SERPINB2: variants seen among roughly 807,000 people sequenced by gnomAD.
SERPINB2 encodes plasminogen activator inhibitor 2.
In SERPINB2, 28 loss-of-function variants were observed where a neutral mutation model predicts 39.4. That is an observed-to-expected ratio of 0.71 (90% confidence interval 0.53 to 0.97). The LOEUF is 0.97. SERPINB2 is among the 50% of genes least tolerant of loss of function. The pLI is 0.00. For synonymous variants in SERPINB2, 209 were observed against 175.1 expected (o/e 1.19, Z -1.53); for missense variants, 557 against 505.3 (o/e 1.10, Z -0.98).
Position 63,903,118 on chromosome 18 carries a change from T to C in SERPINB2, c.1061T>C (p.Val354Ala), listed in dbSNP as rs1441811067. The C allele has an allele frequency of 1.2e-6, 2 of 1,613,726 alleles. No individual in the cohort carries two copies. Among genetic ancestry groups the C allele is most frequent in the South Asian group, 2.2e-5 (2 of 91,046 alleles). The change falls in exon 8 of 8, where the codon GTG (valine) becomes GCG (alanine). Residue 354 changes from valine (V) to alanine (A), a missense_variant. Coordinates refer to ENST00000299502, the MANE Select transcript of SERPINB2 (RefSeq NM_002575.3). Reference sequence around the variant, plus strand: ...AGGAATGACCTGTTTCTTTCTGAAGTGTTCCACCAAGCCATGGTGGATGTG... The same window carrying C: ...AGGAATGACCTGTTTCTTTCTGAAGCGTTCCACCAAGCCATGGTGGATGTG... ...SERNDLFLSE[V>A]FHQAMVDVNE...
At chr18:63,893,956 G>T (rs2049942986) in intron 2 of SERPINB2, among the ~76,000 whole-genome samples, 2 of 152,160 alleles carry the variant, frequency 1.3e-5, no homozygotes, top group African/African-American at 4.8e-5. Flanking sequence ...TGTAGTGAAA[G>T]AAAAGAATAC....
rs989335611 is a variant in SERPINB2 at position 63,903,221 on chromosome 18, T to C, written c.1164T>C (p.Phe388=). The C allele has an allele frequency of 2.5e-6, 4 of 1,606,344 alleles. No homozygotes were observed. The African/African-American group carries it at 5.4e-5, about 22-fold the overall frequency. The change falls in exon 8 of 8, where the codon TTT becomes TTC. Residue 388 remains phenylalanine (F), a synonymous_variant. Transcript: ENST00000299502. ...GAACTGGACATGGAGGCCCACAGTT[T>C]GTGGCAGATCATCCTTTTCTTTTTC... ...TGRTGHGGPQ[F]VADHPFLFLI...
At chr18:63,893,182 C>A in intron 2 of SERPINB2, among the ~76,000 whole-genome samples, 1 of 152,200 alleles carries the variant, frequency 6.6e-6, no homozygotes, top group East Asian at 1.9e-4. Context: ...CCTGCCTCGG[C>A]CTCCCAAAGT....
At position 63,896,984 on chromosome 18, in the gene SERPINB2, T is replaced by C. The variant is rs1013003328; in HGVS notation, c.289-107T>C. The C allele has an allele frequency of 2.1e-5, 21 of 1,006,790 alleles. No individual in the cohort carries two copies. In the African/African-American group the frequency reaches 3.1e-4, roughly 15 times the overall value. 62.4% of individuals were successfully genotyped at this position (1,006,790 alleles called of 1,614,324 possible). A position where few individuals can be genotyped will look rare whatever the true frequency, so the allele number is the denominator to read the frequency against. ...AATGTACCAAAAATAAAGTATGTAT[T>C]AATATAGCATTTCATGATTGTATTC... is the stretch of plus-strand genomic sequence containing the variant. On this transcript the variant is annotated intron_variant, in intron 3 of 7. Transcript: ENST00000299502.
At chr18:63,895,472 C>A (rs945693026) in intron 3 of SERPINB2, 89 bp downstream of exon 3, 3 of 1,465,666 alleles carry the variant, frequency 2.0e-6, no homozygotes, top group South Asian at 1.2e-5. Flanking sequence ...GGGAAGGAAG[C>A]GAATATACCC....
chr18:63,903,078 T>C lies in SERPINB2; in HGVS notation c.1021T>C (p.Ser341Pro). ...DAFNKGRANFSGMSERNDLFL... is the reference protein window; with the variant it reads ...DAFNKGRANFPGMSERNDLFL... ...CTTCAACAAGGGACGGGCCAATTTC[T>C]CAGGGATGTCGGAGAGGAATGACCT... The change falls in exon 8 of 8, where the codon TCA becomes CCA. Residue 341 changes from serine (S) to proline (P), a missense_variant. Ser to Pro is a moderately conservative substitution (Grantham distance 74). Coordinates refer to ENST00000299502, the MANE Select transcript of SERPINB2 (RefSeq NM_002575.3). 1 of 1,613,724 alleles carries C rather than the reference T, an allele frequency of 6.2e-7. No individual in the cohort carries two copies. Among genetic ancestry groups the C allele is most frequent in the Non-Finnish European group, 8.5e-7 (1 of 1,179,792 alleles).
rs756909564 is a variant in SERPINB2, at chr18:63,901,701, T to C, written c.536-39T>C. The C allele has an allele frequency of 5.6e-6, 8 of 1,438,540 alleles. No individual in the cohort carries two copies. In the South Asian group the frequency reaches 1.2e-4, roughly 22 times the overall value. The allele number at this position is 1,438,540 out of a possible 1,614,324, so 89.1% of individuals were successfully genotyped here. A position where few individuals can be genotyped will look rare whatever the true frequency, so the allele number is the denominator to read the frequency against. ...GATTCAGTAAGTAATTTCACAGTTC[T>C]TGATTATGAAACCTAAATATATGTT... is the stretch of plus-strand genomic sequence containing the variant. On this transcript the variant is annotated intron_variant, in intron 5 of 7. Transcript: ENST00000299502.
At position 63,901,747 on chromosome 18, in the gene SERPINB2, C is replaced by A; in HGVS notation, c.543C>A (p.Ile181=). Residue 181 remains isoleucine, a synonymous_variant, in exon 6 of 8, where the codon ATC becomes ATA. Coordinates refer to ENST00000299502, the MANE Select transcript of SERPINB2 (RefSeq NM_002575.3). ...ATGTTATGTTTTCTGTAGGCAAAAT[C>A]CCAAACTTGTTACCTGAAGGTTCTG... ...SWVKTQTKGK[I]PNLLPEGSVD... 1 of 1,545,716 alleles carries A rather than the reference C, an allele frequency of 6.5e-7. No homozygotes were observed. The highest frequency in any genetic ancestry group is 8.6e-7 in the Non-Finnish European group (1 of 1,157,430).
intron 2 of SERPINB2, among the ~76,000 whole-genome samples, chr18:63,892,313 C>T (rs1326974858): frequency 6.6e-6 from 1 of 152,172 alleles, no homozygotes; most frequent in Non-Finnish European, 1.5e-5. Flanking sequence ...TGCCTGCCTT[C>T]CTTGGTGAAT....
rs746745519 is a variant in SERPINB2 at position 63,897,783 on chromosome 18, C to T, written c.474C>T (p.Phe158=). The change falls in exon 5 of 8, where the codon TTC becomes TTT. Residue 158 remains phenylalanine, a synonymous_variant. Coordinates refer to ENST00000299502, the MANE Select transcript of SERPINB2 (RefSeq NM_002575.3). The part of the protein sequence containing the change: ...YYSSEPQAVD[F]LECAEEARKK... Reference sequence around the variant, plus strand: ...CCTCAGAACCCCAGGCAGTAGACTTCCTAGAATGTGCAGAAGAAGCTAGAA... The same window carrying T: ...CCTCAGAACCCCAGGCAGTAGACTTTCTAGAATGTGCAGAAGAAGCTAGAA... 1.2e-6 allele frequency: 2 copies of T among 1,613,614 alleles called. No individual in the cohort carries two copies. Among genetic ancestry groups the T allele is most frequent in the Non-Finnish European group, 1.7e-6 (2 of 1,179,668 alleles).
At chr18:63,892,911 T>A (rs1419979922) in intron 2 of SERPINB2, among the ~76,000 whole-genome samples, 2 of 152,138 alleles carry the variant, frequency 1.3e-5, no homozygotes, top group African/African-American at 4.8e-5. Context: ...TTTAGAAACA[T>A]CAGGTCTTAG....
intron 2 of SERPINB2, chr18:63,892,890 G>A (rs1188619792): frequency 2.0e-5 from 3 of 152,032 alleles, no homozygotes; most frequent in African/African-American, 7.2e-5. Context: ...ATAGTAAATT[G>A]GCACAAAAGC....
At chr18:63,896,444 T>C (rs2049959931) in intron 3 of SERPINB2, among the ~76,000 whole-genome samples, 1 of 152,174 alleles carries the variant, frequency 6.6e-6, no homozygotes, top group African/African-American at 2.4e-5. Context: ...CTTTGTAAGA[T>C]CATTACTAAG....
intron 2 of SERPINB2, among the ~76,000 whole-genome samples, chr18:63,893,225 G>C (rs1229507983): frequency 6.6e-6 from 1 of 152,222 alleles, no homozygotes; most frequent in African/African-American, 2.4e-5. Context: ...AGTGCACCCG[G>C]CCTAGGTTTT....
rs373043621 is a variant in SERPINB2 at position 63,897,668 on chromosome 18, A to G, written c.418-59A>G. Reference sequence around the variant, plus strand: ...AATGGGAAGACCATAATTCACCATTATGCCATGGCTTGTTTGGTATGTATT... The same window carrying G: ...AATGGGAAGACCATAATTCACCATTGTGCCATGGCTTGTTTGGTATGTATT... On this transcript the variant is annotated intron_variant, in intron 4 of 7. Coordinates refer to ENST00000299502, the MANE Select transcript of SERPINB2 (RefSeq NM_002575.3). The G allele has an allele frequency of 4.9e-5, 57 of 1,156,066 alleles. No individual in the cohort carries two copies. The African/African-American group carries it at 6.2e-4, about 13-fold the overall frequency. 71.6% of individuals were successfully genotyped at this position (1,156,066 alleles called of 1,614,324 possible). A position where few individuals can be genotyped will look rare whatever the true frequency, so the allele number is the denominator to read the frequency against.
intron 3 of SERPINB2, among the ~76,000 whole-genome samples, chr18:63,896,511 C>T (rs903360225): frequency 2.6e-5 from 4 of 152,182 alleles, no homozygotes; most frequent in Non-Finnish European, 5.9e-5. Context: ...AAAAATTGTA[C>T]ATGTTCAAGA....
At chr18:63,890,338 C>T (rs559039521) in intron 1 of SERPINB2, among the ~76,000 whole-genome samples, 1 of 152,306 alleles carries the variant, frequency 6.6e-6, no homozygotes, top group African/African-American at 2.4e-5. Flanking sequence ...GACATGCTTC[C>T]TCCTGGGTAC....
At chr18:63,898,462 A>G (rs2049973877) in intron 5 of SERPINB2, among the ~76,000 whole-genome samples, 1 of 152,370 alleles carries the variant, frequency 6.6e-6, no homozygotes, top group South Asian at 2.1e-4. Flanking sequence ...ATTGTAATTT[A>G]GTTTATTAAG....
chr18:63,892,526 C>T (rs2049933366), intron 2 of SERPINB2: 2 of 152,228 alleles, frequency 1.3e-5, no homozygotes, highest in African/African-American at 4.8e-5. Context: ...CACATACAAA[C>T]ATTAACATTA....
Sources: allele counts gnomAD v4.1 joint callset (sites outside exome capture counted in the v4.1 genomes callset), GRCh38; gene constraint gnomAD v4.1.1; transcripts MANE v1.5; gene names NCBI Gene and HGNC (gene_info 2026-07-23, HGNC 2026-07-21).